The following RYR1 variants were observed in gnomAD, a reference collection of about 807,000 sequenced individuals.
RYR1 encodes the protein ryanodine receptor 1.
RYR1 carries 342 observed loss-of-function variants against 583.5 expected under a neutral mutation model. The ratio of observed to expected loss-of-function variants is 0.59; its 90% CI spans 0.54 to 0.64. RYR1 has a LOEUF of 0.64. Ranked by LOEUF, RYR1 falls within the 30% of genes least tolerant of loss-of-function variation. The pLI is 0.00. For missense variants in RYR1, 6,032 were observed against 6,917.2 expected (o/e 0.87, Z 4.54); for synonymous variants, 2,791 against 2,822.5 (o/e 0.99, Z 0.35).
Position 38,494,413 on chromosome 19 carries a change from G to T in RYR1, c.6336G>T (p.Gln2112His), listed in dbSNP as rs1246352237. The change falls in exon 39 of 106, where the codon CAG becomes CAT. Residue 2112 changes from glutamine to histidine, a missense_variant. Gln to His is a conservative substitution (Grantham distance 24, BLOSUM62 0). Around this residue, in one of 11 missense-constraint regions of RYR1, gnomAD observed 2,627 missense variants for 2,961.3 expected, o/e 0.89. Transcript: ENST00000359596. ...GCTGGGCCCAAGAGGACTTCGTGCA[G>T]AGCCCCGAGCTGGTGCGGGCCATGT... ...VVRWAQEDFV[Q>H]SPELVRAMFS... is the part of the protein sequence containing the mutation. 5 of 1,611,996 alleles carry T rather than the reference G, an allele frequency of 3.1e-6. No homozygotes were observed. Among genetic ancestry groups the T allele is most frequent in the Non-Finnish European group, 4.2e-6 (5 of 1,180,024 alleles).
At chr19:38,537,504 A>G (rs957098176) in intron 83 of RYR1, among the ~76,000 whole-genome samples, 3 of 152,020 alleles carry the variant, frequency 2.0e-5, no homozygotes, top group Admixed American at 1.3e-4. Context: ...CCCATAATCC[A>G]TTAACCTCCA....
intron 60 of RYR1, 143 bp downstream of exon 60, chr19:38,510,924 G>A (rs1027530128): frequency 4.0e-6 from 5 of 1,258,668 alleles, no homozygotes; most frequent in Admixed American, 2.0e-5. Context: ...AGCCATCCTA[G>A]TGTACCCGGG....
chr19:38,439,528 A>G (rs549220658), intron 1 of RYR1, among the ~76,000 whole-genome samples: 2 of 151,488 alleles, frequency 1.3e-5, no homozygotes, highest in East Asian at 3.9e-4. Flanking sequence ...TGTTTTTGAG[A>G]TGGAGTCTCA....
intron 99 of RYR1, 128 bp downstream of exon 99, chr19:38,578,332 C>T (rs1313129189): frequency 1.2e-5 from 10 of 858,844 alleles, no homozygotes; most frequent in Non-Finnish European, 1.5e-5. Flanking sequence ...CCTAGGGTAT[C>T]TTCTTATCCA....
chr19:38,502,058 G>A (rs1303009832), intron 47 of RYR1, among the ~76,000 whole-genome samples: 1 of 152,038 alleles, frequency 6.6e-6, no homozygotes, highest in East Asian at 1.9e-4. Context: ...TAGGGAGGCT[G>A]AGGCAGGAGG....
intron 11 of RYR1, among the ~76,000 whole-genome samples, chr19:38,449,545 C>T (rs1306457005): frequency 6.6e-6 from 1 of 152,208 alleles, no homozygotes; most frequent in Non-Finnish European, 1.5e-5. Flanking sequence ...GAATAACTTT[C>T]AACAAACAAT....
At position 38,448,358 on chromosome 19, in the gene RYR1, G is replaced by C; in HGVS notation, c.804G>C (p.Trp268Cys). Reference sequence around the variant, plus strand: ...CCTTGGCTCTCACCCTCCACAGCTGGAGTGGGAGCCACCTGCGCTGGGGCC... The same window carrying C: ...CCTTGGCTCTCACCCTCCACAGCTGCAGTGGGAGCCACCTGCGCTGGGGCC... Reference protein sequence around the residue: ...LWRLEPLRISWSGSHLRWGQP... With the variant: ...LWRLEPLRISCSGSHLRWGQP... The change falls in exon 10 of 106, where the codon TGG becomes TGC. Residue 268 changes from tryptophan (W) to cysteine (C), a missense_variant. By Grantham distance (215) the Trp-to-Cys change is radical. This residue lies in a region of RYR1 where 338 missense variants were observed against 441.6 expected (regional missense o/e 0.77). Coordinates refer to ENST00000359596, the MANE Select transcript of RYR1 (RefSeq NM_000540.3). 1.2e-6 allele frequency: 2 copies of C among 1,608,486 alleles called. No homozygotes were observed. The highest frequency in any genetic ancestry group is 1.7e-6 in the Non-Finnish European group (2 of 1,179,836).
chr19:38,482,018 G>A (rs1467443387), intron 31 of RYR1, among the ~76,000 whole-genome samples: 1 of 152,098 alleles, frequency 6.6e-6, no homozygotes, highest in African/African-American at 2.4e-5. Context: ...AACGTGGGAG[G>A]TGGAGTTTGC....
Position 38,500,835 on chromosome 19 carries a change from C to T in RYR1, c.7459C>T (p.Gln2487Ter). The T allele has an allele frequency of 6.3e-7, 1 of 1,596,242 alleles. No individual in the cohort carries two copies. Among genetic ancestry groups the T allele is most frequent in the Admixed American group, 1.7e-5 (1 of 59,662 alleles). The change falls in exon 47 of 106, where the codon CAG becomes TAG. Residue 2487 changes from glutamine to a stop codon, truncating the protein, a stop_gained. Coordinates refer to ENST00000359596, the MANE Select transcript of RYR1 (RefSeq NM_000540.3). LOFTEE classifies it high-confidence loss of function. The surrounding 1 kb of genome is among the most constrained non-coding windows in gnomAD (Gnocchi z 5.9). ...CCTGCCTGCAGATGGGGCTCTGGTG[C>T]AGCCAAAGATGTCAGCATCCTTCGT... is the stretch of plus-strand genomic sequence containing the variant. The part of the protein sequence containing the change: ...PTLGKDGALV[Q>*]PKMSASFVPD...
Position 38,499,517 on chromosome 19 carries a change from T to C in RYR1, c.7028-118T>C, listed in dbSNP as rs564126855. On this transcript the variant is annotated intron_variant, in intron 43 of 105. Transcript: ENST00000359596. The surrounding 1 kb of genome is among the most constrained non-coding windows in gnomAD (Gnocchi z 7.3). ...GGGCCTGGTGTTACCTCTGGAGGTG[T>C]TGGGTCCTGGAGCTGGATGGGACCT... 2 of 1,229,470 alleles carry C rather than the reference T, an allele frequency of 1.6e-6. No homozygotes were observed. Among genetic ancestry groups the C allele is most frequent in the Admixed American group, 3.9e-5 (2 of 51,048 alleles). The allele number at this position is 1,229,470 out of a possible 1,614,324, so 76.2% of individuals were successfully genotyped here. A position where few individuals can be genotyped will look rare whatever the true frequency, so the allele number is the denominator to read the frequency against.
intron 16 of RYR1, 151 bp downstream of exon 16, chr19:38,455,902 G>T: frequency 1.4e-6 from 1 of 691,220 alleles, no homozygotes; most frequent in Non-Finnish European, 2.6e-6. Context: ...TCCACACAGG[G>T]GTCTCAAACA....
At position 38,505,380 on chromosome 19, in the gene RYR1, C is replaced by G. The variant is rs146514343; in HGVS notation, c.8382C>G (p.Tyr2794Ter). Reference sequence around the variant, plus strand: ...AGACCCACCCCATGCTGAGGCCCTACAAGACCTTTTCAGAGAAGGTGACCA... The same window carrying G: ...AGACCCACCCCATGCTGAGGCCCTAGAAGACCTTTTCAGAGAAGGTGACCA... ...ELKTHPMLRP[Y>*]KTFSEKDKEI... Residue 2794 changes from tyrosine to a stop codon, truncating the protein, a stop_gained, in exon 53 of 106, where the codon TAC becomes TAG. Coordinates refer to ENST00000359596, the MANE Select transcript of RYR1 (RefSeq NM_000540.3). LOFTEE classifies it high-confidence loss of function. 17 of 1,610,604 alleles carry G rather than the reference C, an allele frequency of 1.1e-5. No individual in the cohort carries two copies. The highest frequency in any genetic ancestry group is 1.4e-5 in the Non-Finnish European group (16 of 1,178,120).
chr19:38,525,771 C>T (rs78738973), intron 71 of RYR1, among the ~76,000 whole-genome samples: 1 of 151,968 alleles, frequency 6.6e-6, no homozygotes, highest in East Asian at 1.9e-4. Context: ...CCCCTGGGAC[C>T]CGCATGAGGA....
Position 38,570,631 on chromosome 19 carries a change from A to G in RYR1, c.13684A>G (p.Thr4562Ala). ...FLNYLSRNFYTLRFLALFLAF... is the reference protein window; with the variant it reads ...FLNYLSRNFYALRFLALFLAF... ...GAACTACCTGTCCCGGAACTTTTACACCCTGCGGTTCCTTGCCCTCTTCTT... is the reference window on the plus strand; with the variant it reads ...GAACTACCTGTCCCGGAACTTTTACGCCCTGCGGTTCCTTGCCCTCTTCTT... Residue 4562 changes from threonine (T) to alanine (A), a missense_variant, in exon 94 of 106, where the codon ACC becomes GCC. Thr to Ala is a moderately conservative substitution (Grantham distance 58, BLOSUM62 0). Coordinates refer to ENST00000359596, the MANE Select transcript of RYR1 (RefSeq NM_000540.3). 6.2e-7 allele frequency: 1 copy of G among 1,613,970 alleles called. No individual in the cohort carries two copies. The highest frequency in any genetic ancestry group is 8.5e-7 in the Non-Finnish European group (1 of 1,179,952).
At chr19:38,470,721 T>A (rs1041667754) in intron 27 of RYR1, among the ~76,000 whole-genome samples, 3 of 151,884 alleles carry the variant, frequency 2.0e-5, no homozygotes, top group Non-Finnish European at 4.4e-5. Context: ...CCAGCCTGGG[T>A]GACAGAGCAA....
intron 95 of RYR1, among the ~76,000 whole-genome samples, chr19:38,572,972 C>G (rs1040840903): frequency 6.6e-6 from 1 of 151,532 alleles, no homozygotes; most frequent in Non-Finnish European, 1.5e-5. Flanking sequence ...GTGCCTCCCC[C>G]ATCCCTGCCC....
chr19:38,498,727 G>T (rs1398842406), intron 42 of RYR1, among the ~76,000 whole-genome samples: 5 of 152,192 alleles, frequency 3.3e-5, no homozygotes, highest in Admixed American at 2.6e-4. Context: ...CGTGGCGCTG[G>T]TGGGAGTGCA....
At chr19:38,441,114 G>T (rs1972658070) in intron 2 of RYR1, among the ~76,000 whole-genome samples, 1 of 151,780 alleles carries the variant, frequency 6.6e-6, no homozygotes, top group Admixed American at 6.6e-5. Flanking sequence ...CAGGGCGGGG[G>T]CTGCTGATCC....
At chr19:38,559,343 C>T (rs1344273308) in intron 89 of RYR1, among the ~76,000 whole-genome samples, 1 of 150,632 alleles carries the variant, frequency 6.6e-6, no homozygotes, top group African/African-American at 2.4e-5. Context: ...AAGCCATTCT[C>T]CTGCTTCAGC....
Sources: allele counts gnomAD v4.1 joint callset (sites outside exome capture counted in the v4.1 genomes callset), GRCh38; gene constraint gnomAD v4.1.1; regional missense constraint gnomAD v4.1.1; non-coding constraint Gnocchi (gnomAD v3.1); transcripts MANE v1.5; gene names NCBI Gene and HGNC (gene_info 2026-07-23, HGNC 2026-07-21).